Variants in FOXP1 observed in about 807,000 individuals in gnomAD.
The protein encoded by FOXP1 is forkhead box protein P1.
Under a neutral mutation model 98.2 loss-of-function variants are expected in FOXP1, and 15 were observed. The observed-to-expected ratio is 0.15, with a 90% confidence interval of 0.10 to 0.24. The LOEUF is 0.24. Among genes scored for constraint, FOXP1 ranks in the 10% least tolerant of loss-of-function variants. The pLI is 1.00. For missense variants in FOXP1, 633 were observed against 848.5 expected, an observed-to-expected ratio of 0.75 and a Z score of 3.15; for synonymous variants, 371 against 314.5, an observed-to-expected ratio of 1.18 and a Z score of -1.90.
chr3:71,011,704 C>T (rs1305068197), intron 12 of FOXP1, among the ~76,000 whole-genome samples: 1 of 152,012 alleles, frequency 6.6e-6, no homozygotes, highest in Admixed American at 6.6e-5. Flanking sequence ...TAAATAAGTA[C>T]CAGGAAATAA....
intron 19 of FOXP1, 46 bp downstream of exon 19, chr3:70,970,690 G>GA (rs2036032608): frequency 4.4e-6 from 6 of 1,373,318 alleles, no homozygotes; most frequent in Non-Finnish European, 6.2e-6. Context: ...ATGAGTAGGG[G>GA]AGACCTGTGC....
intron 7 of FOXP1, among the ~76,000 whole-genome samples, chr3:71,089,983 T>C (rs1276011547): frequency 6.6e-6 from 1 of 152,192 alleles, no homozygotes; most frequent in Non-Finnish European, 1.5e-5. Context: ...GATTTTTTTC[T>C]TTTTTAGGAG....
At chr3:71,126,056 T>A (rs2059147064) in intron 6 of FOXP1, among the ~76,000 whole-genome samples, 1 of 152,214 alleles carries the variant, frequency 6.6e-6, no homozygotes, top group Non-Finnish European at 1.5e-5. Context: ...AAGTGCTGTA[T>A]AACTATAGAT....
intron 6 of FOXP1, among the ~76,000 whole-genome samples, chr3:71,118,394 T>C (rs1297251721): frequency 1.3e-5 from 2 of 152,254 alleles, no homozygotes; most frequent in Non-Finnish European, 2.9e-5. Flanking sequence ...ATTCTATGTT[T>C]AGCATGTTTA....
At chr3:71,446,142 CCTTCT>C (rs2086412931) in intron 3 of FOXP1, among the ~76,000 whole-genome samples, 2 of 152,140 alleles carry the variant, frequency 1.3e-5, no homozygotes, top group South Asian at 4.1e-4. Context: ...CAGTTCTTGC[CCTTCT>C]CTGAGAAGCC....
intron 2 of FOXP1, among the ~76,000 whole-genome samples, chr3:71,498,464 C>T (rs764014728): frequency 3.3e-5 from 5 of 152,150 alleles, no homozygotes; most frequent in Non-Finnish European, 7.3e-5. Flanking sequence ...AAAGTCTGCC[C>T]TGGAACTTGC....
intron 4 of FOXP1, among the ~76,000 whole-genome samples, chr3:71,356,359 G>C (rs1470459961): frequency 6.6e-6 from 1 of 152,112 alleles, no homozygotes; most frequent in Admixed American, 6.5e-5. Context: ...CAGATGTGCA[G>C]CAGGACAAGC....
At chr3:71,049,707 ATACT>A (rs1249279930) in intron 9 of FOXP1, among the ~76,000 whole-genome samples, 1 of 152,178 alleles carries the variant, frequency 6.6e-6, no homozygotes, top group African/African-American at 2.4e-5. Context: ...GTAAATTAAC[ATACT>A]TGTTCCATCT....
rs1330956455 is a variant in FOXP1 at position 71,196,159 on chromosome 3, T to TA, written c.180+2042dup. On this transcript the variant is annotated intron_variant, in intron 6 of 20. Transcript: ENST00000649528. ...ACGACATACGGAGAAAAAACTGTCA[T>TA]AAAAACATTTAAAAACAGTATAAAA... 2.0e-5 allele frequency among the ~76,000 whole-genome samples: 3 copies of TA among 152,314 alleles called. No homozygotes were observed. The East Asian group carries it at 5.8e-4, about 29-fold the overall frequency.
intron 7 of FOXP1, among the ~76,000 whole-genome samples, chr3:71,091,601 C>G (rs1378465344): frequency 2.0e-5 from 3 of 152,188 alleles, no homozygotes; most frequent in Non-Finnish European, 4.4e-5. Context: ...TTGGGTCTAT[C>G]TACTCCAAAG....
At chr3:71,032,014 G>A (rs778063836) in intron 11 of FOXP1, among the ~76,000 whole-genome samples, 1 of 152,220 alleles carries the variant, frequency 6.6e-6, no homozygotes, top group African/African-American at 2.4e-5. Flanking sequence ...TCTCTTCTTG[G>A]TTGAGAGAGT....
intron 5 of FOXP1, among the ~76,000 whole-genome samples, chr3:71,255,747 T>C (rs985579827): frequency 1.4e-4 from 21 of 152,282 alleles, no homozygotes; most frequent in Admixed American, 7.8e-4. Flanking sequence ...CAAATACACA[T>C]ATTATGTTTT....
rs116615601 is a variant in FOXP1 at position 71,051,871 on chromosome 3, T to C, written c.510+666A>G. ...TGCTGTCAACCTTCATGGTGTGGCA[T>C]AATGTGATAAGTTATGGACACTACC... On this transcript the variant is annotated intron_variant, in intron 9 of 20. Transcript: ENST00000649528. Among the ~76,000 whole-genome samples, 382 of 152,276 alleles carry C rather than the reference T, an allele frequency of 2.5e-3. 1 individual carries two copies. The highest frequency in any genetic ancestry group is 3.5e-3 in the Non-Finnish European group (239 of 68,020).
intron 4 of FOXP1, among the ~76,000 whole-genome samples, chr3:71,320,700 T>G (rs543715291): frequency 1.3e-5 from 2 of 152,324 alleles, no homozygotes; most frequent in South Asian, 4.1e-4. Context: ...AAATCTTGAA[T>G]GAATAAAGTA....
chr3:71,023,211 G>A (rs2045662265), intron 11 of FOXP1, among the ~76,000 whole-genome samples: 1 of 152,162 alleles, frequency 6.6e-6, no homozygotes, highest in African/African-American at 2.4e-5. Flanking sequence ...GTTGACAAAA[G>A]ACTTCCATGT....
In FOXP1 at chr3:71,464,175, T is replaced by A. The variant is rs150669152; in HGVS notation, c.-168+29251A>T. ...TGCTGTGGTCCCAGCTACTTGGGAG[T>A]TGAAGTGGGCGGATCAACTGAGCCC... On this transcript the variant is annotated intron_variant, in intron 3 of 20. Transcript: ENST00000649528. Among the ~76,000 whole-genome samples the A allele has an allele frequency of 3.3e-5, 5 of 151,538 alleles. No individual in the cohort carries two copies. The East Asian group carries it at 9.8e-4, about 30-fold the overall frequency.
chr3:71,400,406 G>A (rs2081874938), intron 3 of FOXP1, among the ~76,000 whole-genome samples: 1 of 151,980 alleles, frequency 6.6e-6, no homozygotes, highest in Non-Finnish European at 1.5e-5. Flanking sequence ...GCCCAGGCTG[G>A]AGTGCAGTGG....
intron 2 of FOXP1, among the ~76,000 whole-genome samples, chr3:71,551,559 C>G (rs2045781892): frequency 2.0e-5 from 3 of 152,262 alleles, no homozygotes; most frequent in Admixed American, 2.0e-4. Flanking sequence ...CCTGGTTCCT[C>G]AAGTTATAGT....
intron 6 of FOXP1, among the ~76,000 whole-genome samples, chr3:71,142,123 A>T (rs1041548619): frequency 7.1e-6 from 1 of 140,078 alleles, no homozygotes; most frequent in Non-Finnish European, 1.5e-5. Flanking sequence ...ATAAATACAA[A>T]ATGTGTCATG....
Sources: allele counts gnomAD v4.1 joint callset (sites outside exome capture counted in the v4.1 genomes callset), GRCh38; gene constraint gnomAD v4.1.1; transcripts MANE v1.5; gene names NCBI Gene and HGNC (gene_info 2026-07-23, HGNC 2026-07-21).